Variants in ZNF525 observed in about 807,000 individuals in gnomAD.
ZNF525 encodes the protein zinc finger protein 525.
A neutral mutation model predicts 37.6 loss-of-function variants in ZNF525; 33 were observed. That is an observed-to-expected ratio of 0.88 (90% CI 0.67 to 1.17). ZNF525 has a LOEUF of 1.17. ZNF525 is among the 50% of genes most tolerant of loss of function. The pLI, the probability that ZNF525 is intolerant of heterozygous loss-of-function variation, is 0.00. For missense variants in ZNF525, 449 were observed against 543.1 expected, an observed-to-expected ratio of 0.83 and a Z score of 1.72; for synonymous variants, 170 against 182.3, an observed-to-expected ratio of 0.93 and a Z score of 0.54.
intron 1 of ZNF525, among the ~76,000 whole-genome samples, chr19:53,366,765 A>G (rs925223634): frequency 4.7e-5 from 7 of 147,512 alleles, no homozygotes; most frequent in East Asian, 4.0e-4. Flanking sequence ...CAGGGAGGAC[A>G]CCTGGGGATC....
chr19:53,369,329 A>G (rs1402829728), intron 1 of ZNF525, among the ~76,000 whole-genome samples: 1 of 151,368 alleles, frequency 6.6e-6, no homozygotes, highest in Non-Finnish European at 1.5e-5. Flanking sequence ...TGCAACCTCC[A>G]CCTCCCAGGT....
At chr19:53,366,130 A>G (rs1251347591) in intron 1 of ZNF525, among the ~76,000 whole-genome samples, 18 of 151,124 alleles carry the variant, frequency 1.2e-4, no homozygotes, top group South Asian at 8.5e-4. Flanking sequence ...GCAGCGTCGC[A>G]GCTCCGGTCC....
Position 53,372,507 on chromosome 19 carries a change from T to C in ZNF525, c.15+211T>C, listed in dbSNP as rs1430482626. The C allele has an allele frequency of 3.3e-5, 28 of 836,886 alleles. 1 individual carries two copies. The highest frequency in any genetic ancestry group is 3.2e-4 in the Admixed American group (16 of 50,158). 51.8% of individuals were successfully genotyped at this position (836,886 alleles called of 1,614,324 possible). Reference sequence around the variant, plus strand: ...GGAAGAGGCTGCACTGGGCATGGTCTTGGGAAGGGCTCACAACCAGACATG... The same window carrying C: ...GGAAGAGGCTGCACTGGGCATGGTCCTGGGAAGGGCTCACAACCAGACATG... On this transcript the variant is annotated intron_variant, in intron 2 of 3. Transcript: ENST00000474037.
intron 2 of ZNF525, among the ~76,000 whole-genome samples, chr19:53,374,871 T>G (rs2085510997): frequency 6.6e-6 from 1 of 152,040 alleles, no homozygotes; most frequent in Non-Finnish European, 1.5e-5. Context: ...GTAATCTAGT[T>G]TTCATGTATT....
chr19:53,382,587 C>T lies in ZNF525; in HGVS notation c.*568C>T, dbSNP rs536297666. 9.0e-6 allele frequency: 6 copies of T among 665,646 alleles called. No individual in the cohort carries two copies. The Admixed American group carries it at 1.2e-4, about 13-fold the overall frequency. The allele number at this position is 665,646 out of a possible 1,614,324, so 41.2% of individuals were successfully genotyped here. A position where few individuals can be genotyped will look rare whatever the true frequency, so the allele number is the denominator to read the frequency against. On this transcript the variant is annotated 3_prime_UTR_variant, in exon 4 of 4. Transcript: ENST00000474037. ...TAGAAGTGCAATGAGTGTGGCAAAA[C>T]CTTTCATAGGCAGTCAGCGCTTATT...
chr19:53,371,306 C>A (rs2085486584), intron 1 of ZNF525, among the ~76,000 whole-genome samples: 1 of 149,330 alleles, frequency 6.7e-6, no homozygotes, highest in Non-Finnish European at 1.5e-5. Context: ...TCAAGCGATT[C>A]TTGTGTCTCA....
At chr19:53,380,580 A>G (rs1290972220) in intron 3 of ZNF525, 142 bp from the exon 4 acceptor site, 5 of 540,784 alleles carry the variant, frequency 9.2e-6, no homozygotes, top group African/African-American at 1.9e-5. Flanking sequence ...AGCTTTCATA[A>G]TAATAATTTG....
At chr19:53,378,500 C>A (rs2085536985) in intron 3 of ZNF525, among the ~76,000 whole-genome samples, 1 of 152,068 alleles carries the variant, frequency 6.6e-6, no homozygotes, top group Non-Finnish European at 1.5e-5. Context: ...CCACTACACT[C>A]CAGCCTGGGT....
At chr19:53,365,824 G>C (rs924927439) in intron 1 of ZNF525, 65 bp downstream of exon 1, 1 of 154,788 alleles carries the variant, frequency 6.5e-6, no homozygotes, top group Non-Finnish European at 1.4e-5. Context: ...CTGTCCCTGG[G>C]ACGTGGGGTC....
chr19:53,375,785 A>G lies in ZNF525; in HGVS notation c.31A>G (p.Arg11Gly). MALPQGLLTFRDVAIEFSQEE... is the reference protein window; with the variant it reads MALPQGLLTFGDVAIEFSQEE... ...TTCATTTCAGGGTCTATTGACATTCAGGGATGTGGCCATAGAATTCTCTCA... is the reference window on the plus strand; with the variant it reads ...TTCATTTCAGGGTCTATTGACATTCGGGGATGTGGCCATAGAATTCTCTCA... Residue 11 changes from arginine to glycine, a missense_variant, in exon 3 of 4, where the codon AGG becomes GGG. Arg to Gly is a moderately radical substitution (Grantham distance 125). This residue lies in a region of ZNF525 where 271 missense variants were observed against 381.6 expected (regional missense o/e 0.71). Transcript: ENST00000474037. 1 of 1,613,930 alleles carries G rather than the reference A, an allele frequency of 6.2e-7. No individual in the cohort carries two copies. Among genetic ancestry groups the G allele is most frequent in the Non-Finnish European group, 8.5e-7 (1 of 1,179,910 alleles).
At position 53,386,178 on chromosome 19, in the gene ZNF525, T is replaced by C. The variant is rs1047025656; in HGVS notation, c.*4159T>C. 1.3e-5 allele frequency: 7 copies of C among 532,752 alleles called. No homozygotes were observed. The highest frequency in any genetic ancestry group is 2.1e-5 in the Non-Finnish European group (6 of 283,794). 33.0% of individuals were successfully genotyped at this position (532,752 alleles called of 1,614,324 possible). ...TCTCAAAAAAAAAAAAATTGTCAAG[T>C]TCCTTCTCTTCCATTCTTTGCCATC... On this transcript the variant is annotated 3_prime_UTR_variant, in exon 4 of 4. Coordinates refer to ENST00000474037, the MANE Select transcript of ZNF525 (RefSeq NM_001348156.2).
chr19:53,367,392 A>G (rs1220477774), intron 1 of ZNF525, among the ~76,000 whole-genome samples: 3 of 151,954 alleles, frequency 2.0e-5, no homozygotes, highest in Non-Finnish European at 2.9e-5. Flanking sequence ...AAGCATCACT[A>G]TTACTGGATT....
chr19:53,376,710 C>T (rs2085525056), intron 3 of ZNF525, among the ~76,000 whole-genome samples: 1 of 152,210 alleles, frequency 6.6e-6, no homozygotes, highest in East Asian at 1.9e-4. Context: ...TGGCTCATGC[C>T]TGTAATCCCA....
chr19:53,370,150 G>A (rs2085476892), intron 1 of ZNF525, among the ~76,000 whole-genome samples: 1 of 151,098 alleles, frequency 6.6e-6, no homozygotes, highest in Non-Finnish European at 1.5e-5. Context: ...GCTGGGTGCG[G>A]TGGCCCACGC....
rs2085556435 is a variant in ZNF525 at position 53,381,019 on chromosome 19, A to T, written c.440A>T (p.His147Leu). ...KYQLGSSFHS[H>L]LSELHIFQPK... ...CAGCTTGGATCAAGCTTTCATTCAC[A>T]TCTGTCTGAACTCCACATATTTCAG... The change falls in exon 4 of 4, where the codon CAT becomes CTT. Residue 147 changes from histidine to leucine, a missense_variant. This residue lies in a region of ZNF525 where 271 missense variants were observed against 381.6 expected (regional missense o/e 0.71). Coordinates refer to ENST00000474037, the MANE Select transcript of ZNF525 (RefSeq NM_001348156.2). The T allele has an allele frequency of 6.3e-7, 1 of 1,582,076 alleles. No homozygotes were observed. The highest frequency in any genetic ancestry group is 1.3e-5 in the African/African-American group (1 of 74,266).
At chr19:53,379,434 A>C (rs1458871691) in intron 3 of ZNF525, 3 of 152,154 alleles carry the variant, frequency 2.0e-5, no homozygotes, top group African/African-American at 7.2e-5. Context: ...ATTCTTATTC[A>C]TTATAATGCT....
intron 3 of ZNF525, chr19:53,376,177 G>A (rs755323258): frequency 1.2e-5 from 9 of 771,208 alleles, no homozygotes; most frequent in Non-Finnish European, 2.0e-5. Context: ...TGATCTCCTG[G>A]GCTCAAGACA....
Position 53,382,927 on chromosome 19 carries a change from C to T in ZNF525, c.*908C>T. 1.4e-6 allele frequency: 2 copies of T among 1,467,904 alleles called. No homozygotes were observed. The highest frequency in any genetic ancestry group is 1.9e-6 in the Non-Finnish European group (2 of 1,054,672). The allele number at this position is 1,467,904 out of a possible 1,614,324, so 90.9% of individuals were successfully genotyped here. The stretch of plus-strand genomic sequence containing the variant: ...AGTGTAATGAGTGTGGTAAGATGTT[C>T]AGTCAAAATTCGGCCCTTGTAATTC... On this transcript the variant is annotated 3_prime_UTR_variant, in exon 4 of 4. Coordinates refer to ENST00000474037, the MANE Select transcript of ZNF525 (RefSeq NM_001348156.2).
chr19:53,383,532 A>C lies in ZNF525; in HGVS notation c.*1513A>C. On this transcript the variant is annotated 3_prime_UTR_variant, in exon 4 of 4. Transcript: ENST00000474037. Reference sequence around the variant, plus strand: ...TTCGGACGTGATTCACACCTGGCACAACATCCCAGAGTTCACACTGGAGAG... The same window carrying C: ...TTCGGACGTGATTCACACCTGGCACCACATCCCAGAGTTCACACTGGAGAG... 7.6e-7 allele frequency: 1 copy of C among 1,313,422 alleles called. No individual in the cohort carries two copies. The highest frequency in any genetic ancestry group is 1.2e-5 in the South Asian group (1 of 81,750). 81.4% of individuals were successfully genotyped at this position (1,313,422 alleles called of 1,614,324 possible).
Sources: allele counts gnomAD v4.1 joint callset (sites outside exome capture counted in the v4.1 genomes callset), GRCh38; gene constraint gnomAD v4.1.1; regional missense constraint gnomAD v4.1.1; transcripts MANE v1.5; gene names NCBI Gene and HGNC (gene_info 2026-07-23, HGNC 2026-07-21).